Variants in DTNA observed in about 807,000 individuals in gnomAD.
DTNA encodes the protein dystrophin-related protein 3.
A neutral mutation model predicts 100.7 loss-of-function variants in DTNA; 43 were observed. The observed-to-expected ratio is 0.43, with a 90% CI of 0.33 to 0.55. The LOEUF is 0.55. Ranked by LOEUF, DTNA falls within the 20% of genes least tolerant of loss-of-function variation. The pLI, the probability that DTNA is intolerant of heterozygous loss-of-function variation, is 0.04. For missense variants in DTNA, 798 were observed against 953.9 expected, an observed-to-expected ratio of 0.84 and a Z score of 2.15; for synonymous variants, 349 against 347.9, an observed-to-expected ratio of 1.00 and a Z score of -0.04.
At chr18:34,724,309 G>A (rs956768389) in intron 1 of DTNA, among the ~76,000 whole-genome samples, 4 of 152,166 alleles carry the variant, frequency 2.6e-5, no homozygotes, top group African/African-American at 9.7e-5. Flanking sequence ...ACAGGAAAAT[G>A]AATAGCTAAA....
intron 3 of DTNA, among the ~76,000 whole-genome samples, chr18:34,768,197 T>C (rs929219855): frequency 3.6e-4 from 55 of 152,248 alleles, no homozygotes; most frequent in African/African-American, 1.3e-3. Context: ...GGGTAAGTGG[T>C]AGACACTCTG....
At chr18:34,801,130 G>T (rs1402691814) in intron 4 of DTNA, among the ~76,000 whole-genome samples, 2 of 152,114 alleles carry the variant, frequency 1.3e-5, no homozygotes, top group East Asian at 1.9e-4. Context: ...AGAATAACTT[G>T]AAAAGTCTCA....
At chr18:34,882,735 A>G (rs2150412872) in intron 21 of DTNA, among the ~76,000 whole-genome samples, 1 of 152,286 alleles carries the variant, frequency 6.6e-6, no homozygotes, top group South Asian at 2.1e-4. Context: ...GCCTTCTTAT[A>G]TTGGAAAAAA....
rs149491829 is a variant in DTNA at position 34,742,174 on chromosome 18, G to A, written c.-1-13802G>A. Among the ~76,000 whole-genome samples the A allele has an allele frequency of 9.5e-3, 1,448 of 152,288 alleles. 16 individuals are homozygous for A. The highest frequency in any genetic ancestry group is 0.02 in the South Asian group (98 of 4,818). On this transcript the variant is annotated intron_variant, in intron 1 of 22. Transcript: ENST00000444659. ...TCCTGGTTCTCTGGCTACCTGCAAT[G>A]TGATCTTGTGAAAGTTTCTTAACTC...
intron 1 of DTNA, among the ~76,000 whole-genome samples, chr18:34,620,031 T>C (rs1485267977): frequency 6.6e-6 from 1 of 152,152 alleles, no homozygotes; most frequent in Non-Finnish European, 1.5e-5. Context: ...GGAAGAACTT[T>C]TTTCAGGGAG....
intron 1 of DTNA, among the ~76,000 whole-genome samples, chr18:34,581,203 G>A (rs770183810): frequency 2.2e-4 from 33 of 152,098 alleles, no homozygotes; most frequent in Non-Finnish European, 3.7e-4. Flanking sequence ...AGCTGAGATC[G>A]CACCACTGCA....
At chr18:34,602,389 G>A (rs935985154) in intron 1 of DTNA, among the ~76,000 whole-genome samples, 3 of 152,138 alleles carry the variant, frequency 2.0e-5, no homozygotes, top group African/African-American at 7.2e-5. Flanking sequence ...CCCTTTCTTG[G>A]AGATTTAGGT....
intron 1 of DTNA, among the ~76,000 whole-genome samples, chr18:34,713,406 T>A (rs2083291233): frequency 6.6e-6 from 1 of 152,184 alleles, no homozygotes; most frequent in Admixed American, 6.5e-5. Flanking sequence ...TTTTGTTCAA[T>A]AAGCGATAGA....
chr18:34,591,397 C>G (rs1421103484), intron 1 of DTNA, among the ~76,000 whole-genome samples: 2 of 152,210 alleles, frequency 1.3e-5, no homozygotes, highest in African/African-American at 4.8e-5. Flanking sequence ...AAGATATACA[C>G]TTGCACATGA....
rs1284082128 is a variant in DTNA, at chr18:34,863,289, T to G, written c.1647-677T>G. Among the ~76,000 whole-genome samples, 4 of 152,208 alleles carry G rather than the reference T, an allele frequency of 2.6e-5. No individual in the cohort carries two copies. In the East Asian group the frequency reaches 7.7e-4, roughly 29 times the overall value. On this transcript the variant is annotated intron_variant, in intron 16 of 22. Transcript: ENST00000444659. ...ATAGATTGTCCTTAGTTGTTTTCAT[T>G]CTTGCTGACAGTTTAATAAAAGGTC... is the stretch of plus-strand genomic sequence containing the variant.
rs16965989 is a variant in DTNA, at chr18:34,806,069, A to G, written c.363-150A>G. On this transcript the variant is annotated intron_variant, in intron 4 of 22. Coordinates refer to ENST00000444659, the MANE Select transcript of DTNA (RefSeq NM_001386795.1). Reference sequence around the variant, plus strand: ...GAATTGTTTTCACAACCTTTTATAAAATGGATGTGCCCACATAAGGCATGC... The same window carrying G: ...GAATTGTTTTCACAACCTTTTATAAGATGGATGTGCCCACATAAGGCATGC... 5,451 of 666,218 alleles carry G rather than the reference A, an allele frequency of 8.2e-3. 212 individuals are homozygous for G. In the African/African-American group the frequency reaches 0.088, roughly 11 times the overall value. 41.3% of individuals were successfully genotyped at this position (666,218 alleles called of 1,614,324 possible).
At position 34,725,018 on chromosome 18, in the gene DTNA, G is replaced by A. The variant is rs147325943; in HGVS notation, c.-2+14573G>A. On this transcript the variant is annotated intron_variant, in intron 1 of 22. Transcript: ENST00000444659. ...GGAAAGGATTCCCTATTTAATAAAT[G>A]GTGCTGGAAAAACTGGCTAGTCATA... 7.4e-3 allele frequency among the ~76,000 whole-genome samples: 1,128 copies of A among 152,210 alleles called. 14 individuals carry two copies. The highest frequency in any genetic ancestry group is 0.025 in the African/African-American group (1,052 of 41,530).
intron 1 of DTNA, among the ~76,000 whole-genome samples, chr18:34,694,795 C>A (rs1406716286): frequency 1.3e-5 from 2 of 152,090 alleles, no homozygotes; most frequent in African/African-American, 4.8e-5. Context: ...GTAGTAGCAT[C>A]CACAAAGCAT....
chr18:34,670,595 G>A (rs533658623), intron 1 of DTNA, among the ~76,000 whole-genome samples: 1 of 152,292 alleles, frequency 6.6e-6, no homozygotes, highest in South Asian at 2.1e-4. Context: ...TACAGATGGG[G>A]TTTTGGTGTG....
At chr18:34,645,229 G>A (rs924655444) in intron 1 of DTNA, among the ~76,000 whole-genome samples, 1 of 152,076 alleles carries the variant, frequency 6.6e-6, no homozygotes, top group Admixed American at 6.5e-5. Context: ...CTAGGTGGAG[G>A]ACTTTGTTAA....
chr18:34,749,639 C>CAAAAA (rs1232445254), intron 1 of DTNA, among the ~76,000 whole-genome samples: 59 of 75,074 alleles, frequency 7.9e-4, no homozygotes, highest in African/African-American at 3.0e-3. Context: ...CACCTCTCTC[C>CAAAAA]AAAAAATAAT....
chr18:34,519,405 G>T (rs1350027419), intron 1 of DTNA, among the ~76,000 whole-genome samples: 2 of 152,014 alleles, frequency 1.3e-5, no homozygotes, highest in African/African-American at 4.8e-5. Context: ...TGCACTTCAG[G>T]TATGAATCTG....
chr18:34,643,817 G>A (rs916063988), intron 1 of DTNA, among the ~76,000 whole-genome samples: 13 of 152,082 alleles, frequency 8.5e-5, no homozygotes, highest in African/African-American at 3.1e-4. Context: ...ACAGCAATCA[G>A]ATTGTATATT....
intron 1 of DTNA, among the ~76,000 whole-genome samples, chr18:34,572,913 A>G (rs1042380718): frequency 6.6e-6 from 1 of 152,192 alleles, no homozygotes; most frequent in African/African-American, 2.4e-5. Flanking sequence ...GATCAAATTT[A>G]TGTACTTTCA....
Sources: allele counts gnomAD v4.1 joint callset (sites outside exome capture counted in the v4.1 genomes callset), GRCh38; gene constraint gnomAD v4.1.1; transcripts MANE v1.5; gene names NCBI Gene and HGNC (gene_info 2026-07-23, HGNC 2026-07-21).